KCNAB2: variants seen among roughly 807,000 people sequenced by gnomAD.
The protein encoded by KCNAB2 is potassium voltage-gated channel subfamily A regulatory beta subunit 2, also known as voltage-gated potassium channel subunit beta-2.
KCNAB2 carries 29 observed loss-of-function variants against 63.6 expected under a neutral mutation model. The observed-to-expected ratio is 0.46, with a 90% CI of 0.34 to 0.62. The LOEUF (loss-of-function observed/expected upper bound fraction) is 0.62. Ranked by LOEUF, KCNAB2 falls within the 20% of genes least tolerant of loss-of-function variation. The probability of loss-of-function intolerance (pLI) is 0.01; values close to 1 mark genes in which losing one functional copy is unlikely to be tolerated. For synonymous variants in KCNAB2, 222 were observed against 224.2 expected (o/e 0.99, Z 0.09); for missense variants, 359 against 563.9 (o/e 0.64, Z 3.68).
At position 5,994,608 on chromosome 1, in the gene KCNAB2, T is replaced by TG. The variant is rs1158839146; in HGVS notation, c.-53+1826dup. ...TGGGGGCTGAGCCAGGCACTGGAGT[T>TG]GGGGGGTGTCGTGAAAAAGTGTGAA... On this transcript the variant is annotated intron_variant, in intron 1 of 16. Transcript: ENST00000341524. The surrounding 1 kb of genome is among the most constrained non-coding windows in gnomAD (Gnocchi z 5.4). Among the ~76,000 whole-genome samples the TG allele has an allele frequency of 6.6e-6, 1 of 151,942 alleles. No homozygotes were observed. Among genetic ancestry groups the TG allele is most frequent in the Non-Finnish European group, 1.5e-5 (1 of 67,986 alleles).
At chr1:6,079,810 C>T (rs59686215) in intron 4 of KCNAB2, among the ~76,000 whole-genome samples, 7,250 of 152,060 alleles carry the variant, frequency 0.048, 592 homozygotes, top group African/African-American at 0.17. Flanking sequence ...CACAACTATG[C>T]GAATGTACTT....
At chr1:6,089,325 G>A (rs1211507370) in intron 8 of KCNAB2, among the ~76,000 whole-genome samples, 1 of 152,334 alleles carries the variant, frequency 6.6e-6, no homozygotes, top group African/African-American at 2.4e-5. Context: ...TGGGTCTTCA[G>A]CAGGGGCACC....
intron 11 of KCNAB2, 103 bp downstream of exon 11, chr1:6,094,588 A>G (rs1426563692): frequency 2.2e-6 from 2 of 891,874 alleles, no homozygotes; most frequent in African/African-American, 1.7e-5. Flanking sequence ...TTTGGTCCCA[A>G]CTGCACCGAT....
intron 1 of KCNAB2, among the ~76,000 whole-genome samples, chr1:6,019,633 G>C (rs981651742): frequency 6.6e-6 from 1 of 152,212 alleles, no homozygotes; most frequent in Non-Finnish European, 1.5e-5. Context: ...TGCCAGCCTC[G>C]ACCTGAGCGT....
Position 6,098,649 on chromosome 1 carries a change from G to C in KCNAB2, c.*75G>C. 6.5e-7 allele frequency: 1 copy of C among 1,545,470 alleles called. No homozygotes were observed. The highest frequency in any genetic ancestry group is 8.8e-7 in the Non-Finnish European group (1 of 1,136,214). On this transcript the variant is annotated 3_prime_UTR_variant, in exon 16 of 16. Transcript: ENST00000378083. ...GTTCGCTCGCTTAAGCTGTTTTGAA[G>C]CCAAGTGAAGAGTGTGGTTTGCATC... is the stretch of plus-strand genomic sequence containing the variant.
upstream of KCNAB2, chr1:6,041,775 ACTCT>A (rs896488830): frequency 6.7e-7 from 1 of 1,484,070 alleles, no homozygotes; most frequent in African/African-American, 1.4e-5. Flanking sequence ...CCAACTGTGG[ACTCT>A]CTCTCTTCTC....
chr1:6,086,341 G>A lies in KCNAB2; in HGVS notation c.425+1093G>A, dbSNP rs1260062842. The stretch of plus-strand genomic sequence containing the variant: ...CCCAAAACAAATTCCTCCTCACCCT[G>A]TAATTAAACGAAATTGCACGTATTA... On this transcript the variant is annotated intron_variant, in intron 6 of 15. Transcript: ENST00000378083. The surrounding 1 kb of genome is among the most constrained non-coding windows in gnomAD (Gnocchi z 4.2). 2.0e-6 allele frequency: 2 copies of A among 984,382 alleles called. No homozygotes were observed. Among genetic ancestry groups the A allele is most frequent in the African/African-American group, 1.8e-5 (1 of 56,828 alleles). The allele number at this position is 984,382 out of a possible 1,614,324, so 61.0% of individuals were successfully genotyped here.
intron 1 of KCNAB2, among the ~76,000 whole-genome samples, chr1:6,008,482 A>G (rs968743923): frequency 1.3e-5 from 2 of 152,152 alleles, no homozygotes; most frequent in Non-Finnish European, 2.9e-5. Flanking sequence ...TTACCCAGGC[A>G]TGATGGCGTG....
At chr1:6,054,351 C>T (rs1417779588) in intron 2 of KCNAB2, among the ~76,000 whole-genome samples, 2 of 151,754 alleles carry the variant, frequency 1.3e-5, no homozygotes, top group African/African-American at 4.8e-5. Flanking sequence ...CAAAAGCAGC[C>T]GGGTGAGGTG....
At chr1:6,021,345 C>G (rs902968095) in intron 1 of KCNAB2, among the ~76,000 whole-genome samples, 8 of 152,218 alleles carry the variant, frequency 5.3e-5, no homozygotes, top group African/African-American at 1.9e-4. Context: ...TAAACACATA[C>G]ACCCAAATGT....
chr1:6,088,912 G>A, intron 7 of KCNAB2, 96 bp from the exon 8 acceptor site: 2 of 1,215,002 alleles, frequency 1.6e-6, no homozygotes, highest in Non-Finnish European at 2.4e-6. Context: ...TGCTGACCCT[G>A]TTTTTGCGTC....
chr1:6,018,110 A>C lies in KCNAB2; in HGVS notation c.-52-22407A>C, dbSNP rs188441533. ...CCACACCCAACTAATTTTTTTTGTA[A>C]TTTTGTAGAAAAGGTGTCTCACTGT... On this transcript the variant is annotated intron_variant, in intron 1 of 16. Coordinates refer to the KCNAB2 transcript ENST00000341524. 2.0e-5 allele frequency among the ~76,000 whole-genome samples: 3 copies of C among 152,046 alleles called. No homozygotes were observed. In the East Asian group the frequency reaches 5.8e-4, roughly 29 times the overall value.
chr1:6,004,982 G>GAGTGGGGGA (rs1557920925), intron 1 of KCNAB2, among the ~76,000 whole-genome samples: 17 of 110,360 alleles, frequency 1.5e-4, no homozygotes, highest in South Asian at 3.1e-4. Flanking sequence ...GGATGAGGGT[G>GAGTGGGGGA]CAGGCAGAGA....
intron 1 of KCNAB2, among the ~76,000 whole-genome samples, chr1:6,001,807 A>T (rs1217705931): frequency 6.6e-6 from 1 of 152,150 alleles, no homozygotes; most frequent in Non-Finnish European, 1.5e-5. Flanking sequence ...GCGGCCTCAG[A>T]AAGCCCCTCT....
intron 4 of KCNAB2, among the ~76,000 whole-genome samples, chr1:6,077,407 TC>T (rs1223685015): frequency 6.6e-6 from 1 of 152,146 alleles, no homozygotes; most frequent in African/African-American, 2.4e-5. Flanking sequence ...CGTGAGTCGC[TC>T]CCTCTCTTTC....
intron 1 of KCNAB2, chr1:6,027,378 G>A (rs1016080322): frequency 6.6e-6 from 1 of 152,446 alleles, no homozygotes; most frequent in African/African-American, 2.4e-5. Flanking sequence ...GCCAGCTACT[G>A]AGTGAGCAGC....
intron 11 of KCNAB2, 57 bp downstream of exon 11, chr1:6,094,542 G>C: frequency 7.0e-7 from 1 of 1,424,282 alleles, no homozygotes; most frequent in Non-Finnish European, 9.7e-7. Flanking sequence ...CACCGGCTGC[G>C]TATGGAGACC....
At chr1:6,043,929 G>A (rs1660710948), upstream of KCNAB2, among the ~76,000 whole-genome samples, 1 of 152,226 alleles carries the variant, frequency 6.6e-6, no homozygotes, top group African/African-American at 2.4e-5. Flanking sequence ...GTCTAAGCTG[G>A]CTTGGCTGGG....
chr1:6,053,229 G>A (rs1425220220), intron 2 of KCNAB2, among the ~76,000 whole-genome samples: 2 of 152,094 alleles, frequency 1.3e-5, no homozygotes, highest in Non-Finnish European at 2.9e-5. Context: ...GAGACGCTGG[G>A]CATTCATGAG....
Sources: allele counts gnomAD v4.1 joint callset (sites outside exome capture counted in the v4.1 genomes callset), GRCh38; gene constraint gnomAD v4.1.1; non-coding constraint Gnocchi (gnomAD v3.1); transcripts MANE v1.5; gene names NCBI Gene and HGNC (gene_info 2026-07-23, HGNC 2026-07-21).